TBX20: variants seen among roughly 807,000 people sequenced by gnomAD.
TBX20 encodes T-box transcription factor 20.
A neutral mutation model predicts 42.9 loss-of-function variants in TBX20; 8 were observed. The ratio of observed to expected loss-of-function variants is 0.19; its 90% CI spans 0.11 to 0.34. The LOEUF (loss-of-function observed/expected upper bound fraction) is 0.34. TBX20 is among the 10% of genes least tolerant of loss of function. TBX20 has a pLI of 1.00. For missense variants in TBX20, 411 were observed against 566.0 expected (o/e 0.73, Z 2.78); for synonymous variants, 198 against 222.8 (o/e 0.89, Z 0.99).
intron 1 of TBX20, 129 bp from the exon 2 acceptor site, chr7:35,250,332 G>A (rs1343176852): frequency 1.8e-6 from 2 of 1,129,116 alleles, no homozygotes; most frequent in Non-Finnish European, 2.6e-6. Flanking sequence ...CTCCAGGCAG[G>A]CTGTAGGGAT....
chr7:35,242,907 C>T (rs550497823), intron 4 of TBX20, among the ~76,000 whole-genome samples: 1 of 152,218 alleles, frequency 6.6e-6, no homozygotes, highest in Admixed American at 6.5e-5. Flanking sequence ...CTTAACAACA[C>T]AAGATCTAAA....
intron 3 of TBX20, among the ~76,000 whole-genome samples, chr7:35,245,320 G>GTGTGTGTGTA (rs1491314293): frequency 1.6e-3 from 1 of 616 alleles, no homozygotes; most frequent in African/African-American, 7.1e-3. Flanking sequence ...GTTTAAAGGG[G>GTGTGTGTGTA]TGTGTGTGTG....
In TBX20 at chr7:35,217,962, C is replaced by T. The variant is rs1286406090; in HGVS notation, c.891-13380G>A. ...CTCAAAATCCTGAGCTCAGGTGATC[C>T]GCCCACCTTGGCCTCCCAAAGTGCT... On this transcript the variant is annotated intron_variant, in intron 6 of 7. Coordinates refer to ENST00000408931, the MANE Select transcript of TBX20 (RefSeq NM_001077653.2). Among the ~76,000 whole-genome samples the T allele has an allele frequency of 1.2e-4, 18 of 152,148 alleles. No individual in the cohort carries two copies. The South Asian group carries it at 1.4e-3, about 12-fold the overall frequency.
chr7:35,211,471 TG>T (rs1466502003), intron 6 of TBX20, among the ~76,000 whole-genome samples: 1 of 152,194 alleles, frequency 6.6e-6, no homozygotes, highest in Non-Finnish European at 1.5e-5. Context: ...ATTTTGCTTT[TG>T]TTTTTTTGAA....
chr7:35,253,024 T>C (rs1201851722), intron 1 of TBX20, among the ~76,000 whole-genome samples: 1 of 151,806 alleles, frequency 6.6e-6, no homozygotes, highest in Non-Finnish European at 1.5e-5. Context: ...TGGCTTATTC[T>C]GCTTTACAGT....
At chr7:35,213,113 T>C (rs1055645137) in intron 6 of TBX20, among the ~76,000 whole-genome samples, 16 of 152,226 alleles carry the variant, frequency 1.1e-4, no homozygotes, top group African/African-American at 3.9e-4. Context: ...ACCTCATTTG[T>C]TTCCCATCCC....
At chr7:35,251,721 G>GT (rs1790309228) in intron 1 of TBX20, among the ~76,000 whole-genome samples, 1 of 152,188 alleles carries the variant, frequency 6.6e-6, no homozygotes, top group East Asian at 1.9e-4. Flanking sequence ...GACTTTGTAT[G>GT]TTTAAAAGGG....
chr7:35,218,716 T>C (rs1246855449), intron 6 of TBX20, among the ~76,000 whole-genome samples: 1 of 152,230 alleles, frequency 6.6e-6, no homozygotes, highest in Non-Finnish European at 1.5e-5. Context: ...CCTTGATTTC[T>C]GTCTCTTTGT....
chr7:35,246,821 A>C (rs116213316), intron 3 of TBX20, among the ~76,000 whole-genome samples: 6 of 152,248 alleles, frequency 3.9e-5, no homozygotes, highest in African/African-American at 1.2e-4. Context: ...ATAATAAAGA[A>C]TAGTTGCTAA....
At position 35,202,513 on chromosome 7, in the gene TBX20, A is replaced by G. The variant is rs2128709409; in HGVS notation, c.1261T>C (p.Tyr421His). 6.2e-7 allele frequency: 1 copy of G among 1,610,844 alleles called. No homozygotes were observed. The highest frequency in any genetic ancestry group is 1.1e-5 in the South Asian group (1 of 90,128). Residue 421 changes from tyrosine (Y) to histidine (H), a missense_variant, in exon 8 of 8, where the codon TAC (tyrosine) becomes CAC (histidine). This residue lies in a region of TBX20 where 162 missense variants were observed against 205.4 expected (regional missense o/e 0.79). Coordinates refer to ENST00000408931, the MANE Select transcript of TBX20 (RefSeq NM_001077653.2). The stretch of plus-strand genomic sequence containing the variant: ...GGCCCCTGCTGAAAATAGTGATGGT[A>G]TCGCGGCATGTGGAATGAAGGGAAT... Reference protein sequence around the residue: ...PTFPSFHMPRYHHYFQQGPYA... With the variant: ...PTFPSFHMPRHHHYFQQGPYA...
intron 4 of TBX20, among the ~76,000 whole-genome samples, chr7:35,244,294 T>C (rs1315165806): frequency 6.6e-6 from 1 of 152,228 alleles, no homozygotes; most frequent in Non-Finnish European, 1.5e-5. Flanking sequence ...TCTATTAAAC[T>C]ACTGATAAGA....
intron 5 of TBX20, among the ~76,000 whole-genome samples, chr7:35,240,289 G>C (rs1790049823): frequency 6.6e-6 from 1 of 152,074 alleles, no homozygotes; most frequent in African/African-American, 2.4e-5. Context: ...TCAGATTTTG[G>C]AGCATTCAGA....
intron 5 of TBX20, among the ~76,000 whole-genome samples, chr7:35,236,517 T>C (rs1247248149): frequency 6.6e-6 from 1 of 152,112 alleles, no homozygotes; most frequent in African/African-American, 2.4e-5. Context: ...CAAGGATAAC[T>C]TTAGAAAATG....
At chr7:35,219,956 T>G (rs1230626231) in intron 6 of TBX20, among the ~76,000 whole-genome samples, 1 of 152,218 alleles carries the variant, frequency 6.6e-6, no homozygotes, top group East Asian at 1.9e-4. Flanking sequence ...AAGTCACTTT[T>G]ATAGAGACTC....
At chr7:35,243,743 T>A (rs1790126738) in intron 4 of TBX20, among the ~76,000 whole-genome samples, 1 of 151,838 alleles carries the variant, frequency 6.6e-6, no homozygotes, top group Non-Finnish European at 1.5e-5. Context: ...AAGATAAAGA[T>A]CAACTATCTT....
intron 1 of TBX20, 72 bp from the exon 2 acceptor site, chr7:35,250,275 A>AC: frequency 7.0e-7 from 1 of 1,422,550 alleles, no homozygotes; most frequent in Non-Finnish European, 9.2e-7. Flanking sequence ...GAACAGCATA[A>AC]CCAAATGGTC....
chr7:35,240,931 A>G lies in TBX20; in HGVS notation c.761T>C (p.Phe254Ser), dbSNP rs141640072. 7 of 1,613,818 alleles carry G rather than the reference A, an allele frequency of 4.3e-6. No individual in the cohort carries two copies. Among genetic ancestry groups the G allele is most frequent in the South Asian group, 2.2e-5 (2 of 91,078 alleles). ...LNLKSEEFRT[F>S]IFPETVFTAV... ...CGTAAAAACTGTTTCTGGAAAGATG[A>G]AAGTTCTAAATTCTTCAGACTTCAG... Residue 254 changes from phenylalanine (F) to serine (S), a missense_variant, in exon 5 of 8, where the codon TTC becomes TCC. This residue lies in a region of TBX20 where 121 missense variants were observed against 165.9 expected (regional missense o/e 0.73). Transcript: ENST00000408931.
intron 5 of TBX20, among the ~76,000 whole-genome samples, chr7:35,240,037 ACCG>A (rs1435852048): frequency 6.6e-6 from 1 of 152,210 alleles, no homozygotes; most frequent in Non-Finnish European, 1.5e-5. Flanking sequence ...GGCATGTGCC[ACCG>A]CACCTGGCCA....
In TBX20 at chr7:35,249,087, AGGTGGG is replaced by A. The variant is rs1377861527; in HGVS notation, c.381-252_381-247del. Reference sequence around the variant, plus strand: ...AGCAGGTGTTAATTGCTAGGTGAAAAGGTGGGGGTGGGGGTGGGGGTATGTGTTAAC... The same window carrying A: ...AGCAGGTGTTAATTGCTAGGTGAAAAGGTGGGGGTGGGGGTATGTGTTAAC... On this transcript the variant is annotated intron_variant, in intron 2 of 7. Transcript: ENST00000408931. This position sits in a 1 kb window ranked among gnomAD's most constrained non-coding sequence, Gnocchi z 4.3. Among the ~76,000 whole-genome samples, 2 of 15,042 alleles carry A rather than the reference AGGTGGG, an allele frequency of 1.3e-4. No homozygotes were observed. Among genetic ancestry groups the A allele is most frequent in the Admixed American group, 9.7e-4 (1 of 1,032 alleles). 9.9% of individuals were successfully genotyped at this position (15,042 alleles called of 152,430 possible).
Sources: gnomAD v4.1 joint callset for allele counts (sites outside exome capture counted in the v4.1 genomes callset) on GRCh38, gnomAD v4.1.1 for gene constraint, gnomAD v4.1.1 regional missense constraint, Gnocchi (gnomAD v3.1) non-coding constraint, MANE v1.5 for transcripts, NCBI Gene and HGNC (gene_info 2026-07-23, HGNC 2026-07-21) for gene names.